Variants in EYA1 observed in about 807,000 individuals in gnomAD.
The protein encoded by EYA1 is EYA transcriptional coactivator and phosphatase 1.
A neutral mutation model predicts 82.0 loss-of-function variants in EYA1; 16 were observed. The ratio of observed to expected loss-of-function variants is 0.20; its 90% CI spans 0.13 to 0.30. The LOEUF is 0.30. Among genes scored for constraint, EYA1 ranks in the 10% least tolerant of loss-of-function variants. The pLI is 1.00. For missense variants in EYA1, 633 were observed against 730.7 expected (o/e 0.87, Z 1.54); for synonymous variants, 261 against 264.4 (o/e 0.99, Z 0.12).
At chr8:71,274,928 G>GAGTGAGAGCACGAGAGCA (rs34014019) in intron 9 of EYA1, among the ~76,000 whole-genome samples, 1 of 151,772 alleles carries the variant, frequency 6.6e-6, no homozygotes, top group Admixed American at 6.6e-5. Flanking sequence ...GAGAGAATGA[G>GAGTGAGAGCACGAGAGCA]AGCGAGTGAA....
At chr8:71,451,952 G>A (rs532496666) in intron 2 of EYA1, among the ~76,000 whole-genome samples, 23 of 152,308 alleles carry the variant, frequency 1.5e-4, no homozygotes, top group African/African-American at 4.8e-4. Flanking sequence ...CACCGAGCTT[G>A]AGCCAAAGCA....
At chr8:71,220,243 AACTGT>A (rs1809724530) in intron 12 of EYA1, among the ~76,000 whole-genome samples, 1 of 152,222 alleles carries the variant, frequency 6.6e-6, no homozygotes, top group Non-Finnish European at 1.5e-5. Flanking sequence ...AACGTGCTGA[AACTGT>A]ACTTTTGAAA....
At chr8:71,262,699 G>A (rs1815280160) in intron 11 of EYA1, among the ~76,000 whole-genome samples, 1 of 152,084 alleles carries the variant, frequency 6.6e-6, no homozygotes, top group Admixed American at 6.5e-5. Flanking sequence ...CAGCAAGAAT[G>A]TACATTTCCG....
intron 2 of EYA1, among the ~76,000 whole-genome samples, chr8:71,491,343 T>A (rs759090093): frequency 6.6e-6 from 1 of 152,196 alleles, no homozygotes; most frequent in Non-Finnish European, 1.5e-5. Context: ...AAACAGGAAC[T>A]CCTCATTCTG....
chr8:71,227,049 A>C (rs1373151019), intron 12 of EYA1, among the ~76,000 whole-genome samples: 1 of 152,194 alleles, frequency 6.6e-6, no homozygotes, highest in Non-Finnish European at 1.5e-5. Flanking sequence ...TTTTATCATT[A>C]AAATATTACA....
chr8:71,346,452 A>ATATATC (rs1011248214), intron 3 of EYA1, among the ~76,000 whole-genome samples: 10 of 134,650 alleles, frequency 7.4e-5, no homozygotes, highest in African/African-American at 2.8e-4. Flanking sequence ...ATATATATAT[A>ATATATC]TATCTATATA....
At chr8:71,476,696 A>AT (rs1208341850) in intron 2 of EYA1, among the ~76,000 whole-genome samples, 3 of 152,040 alleles carry the variant, frequency 2.0e-5, no homozygotes, top group Admixed American at 6.6e-5. Flanking sequence ...TTTCAACAAC[A>AT]TTTTTTTCTA....
chr8:71,336,343 T>A (rs1160454574), intron 3 of EYA1, among the ~76,000 whole-genome samples: 1 of 152,200 alleles, frequency 6.6e-6, no homozygotes, highest in African/African-American at 2.4e-5. Flanking sequence ...GTGAACTTGC[T>A]GGAAATTCTC....
At chr8:71,201,569 C>A (rs1036529829) in intron 17 of EYA1, among the ~76,000 whole-genome samples, 1 of 152,110 alleles carries the variant, frequency 6.6e-6, no homozygotes, top group South Asian at 2.1e-4. Context: ...AAATATAGAA[C>A]CCTATAAAGA....
chr8:71,322,027 C>G (rs1282412935), intron 5 of EYA1, 148 bp from the exon 6 acceptor site: 1 of 1,154,768 alleles, frequency 8.7e-7, no homozygotes, highest in African/African-American at 1.5e-5. Flanking sequence ...TGAAATACTT[C>G]AGTGTCTCCA....
intron 2 of EYA1, among the ~76,000 whole-genome samples, chr8:71,415,930 G>A (rs1830829719): frequency 6.6e-6 from 1 of 152,208 alleles, no homozygotes; most frequent in Admixed American, 6.5e-5. Context: ...TGGGGATAAG[G>A]ACAAGGACGC....
chr8:71,287,991 G>C (rs1332397614), intron 9 of EYA1, among the ~76,000 whole-genome samples: 1 of 152,128 alleles, frequency 6.6e-6, no homozygotes, highest in Non-Finnish European at 1.5e-5. Context: ...CTTCCCAAGT[G>C]AGTGACAGAG....
chr8:71,409,055 C>G (rs1315049831), intron 2 of EYA1, among the ~76,000 whole-genome samples: 1 of 118,736 alleles, frequency 8.4e-6, no homozygotes, highest in African/African-American at 3.7e-5. Context: ...AACTAGAACT[C>G]AGGATTAAGA....
intron 9 of EYA1, among the ~76,000 whole-genome samples, chr8:71,285,587 G>C (rs1339917266): frequency 2.0e-5 from 3 of 152,232 alleles, no homozygotes; most frequent in Non-Finnish European, 4.4e-5. Context: ...AGTAGGTTTG[G>C]AACTTTGAGC....
At chr8:71,516,021 C>T (rs141863004) in intron 2 of EYA1, among the ~76,000 whole-genome samples, 1 of 152,024 alleles carries the variant, frequency 6.6e-6, no homozygotes, top group East Asian at 1.9e-4. Flanking sequence ...AAACATAATC[C>T]CAATTTGCCA....
intron 7 of EYA1, among the ~76,000 whole-genome samples, chr8:71,306,108 G>C (rs995481641): frequency 6.6e-6 from 1 of 152,190 alleles, no homozygotes; most frequent in African/African-American, 2.4e-5. Context: ...TCACTTGGGT[G>C]CCACAGCCCT....
rs1038738352 is a variant in EYA1 at position 71,329,992 on chromosome 8, A to G, written c.202+4105T>C. Among the ~76,000 whole-genome samples, 10 of 152,238 alleles carry G rather than the reference A, an allele frequency of 6.6e-5. 1 individual carries two copies. The highest frequency in any genetic ancestry group is 5.2e-4 in the Admixed American group (8 of 15,300). On this transcript the variant is annotated intron_variant, in intron 4 of 17. Coordinates refer to ENST00000340726, the MANE Select transcript of EYA1 (RefSeq NM_000503.6). ...TTTGAACACAGACGAAGTTAGGGAGAGTAAGGCAGGTGTACAGGGAAAGGA... is the reference window on the plus strand; with the variant it reads ...TTTGAACACAGACGAAGTTAGGGAGGGTAAGGCAGGTGTACAGGGAAAGGA...
chr8:71,393,142 C>T (rs1000582941), intron 2 of EYA1, among the ~76,000 whole-genome samples: 1 of 152,084 alleles, frequency 6.6e-6, no homozygotes, highest in Non-Finnish European at 1.5e-5. Context: ...AAAGTAAGTA[C>T]AAGTGCAATA....
intron 2 of EYA1, among the ~76,000 whole-genome samples, chr8:71,474,149 T>G (rs1329489279): frequency 1.3e-5 from 2 of 150,030 alleles, no homozygotes; most frequent in Non-Finnish European, 2.9e-5. Flanking sequence ...TATACCTATG[T>G]AACAAACCTG....
Sources: allele counts gnomAD v4.1 joint callset (sites outside exome capture counted in the v4.1 genomes callset), GRCh38; gene constraint gnomAD v4.1.1; transcripts MANE v1.5; gene names NCBI Gene and HGNC (gene_info 2026-07-23, HGNC 2026-07-21).